PI4KB: variants seen among roughly 807,000 people sequenced by gnomAD.
PI4KB encodes PtdIns 4-kinase beta.
Under a neutral mutation model 81.4 loss-of-function variants are expected in PI4KB, and 23 were observed. That is an observed-to-expected ratio of 0.28 (90% confidence interval 0.20 to 0.40). The LOEUF is 0.40. Ranked by LOEUF, PI4KB falls within the 10% of genes least tolerant of loss-of-function variation. The pLI is 1.00. For missense variants in PI4KB, 651 were observed against 1,036.6 expected, an observed-to-expected ratio of 0.63 and a Z score of 5.11; for synonymous variants, 381 against 406.8, an observed-to-expected ratio of 0.94 and a Z score of 0.76.
chr1:151,301,407 T>A (rs1011359294), intron 8 of PI4KB, among the ~76,000 whole-genome samples: 9 of 151,902 alleles, frequency 5.9e-5, no homozygotes, highest in East Asian at 1.9e-4. Context: ...TTTTTATTTT[T>A]TTTTTTTTGA....
At chr1:151,298,432 C>T (rs1044765803) in intron 9 of PI4KB, 4 of 208,120 alleles carry the variant, frequency 1.9e-5, no homozygotes, top group African/African-American at 9.3e-5. Flanking sequence ...AATTTACCTG[C>T]CTCATGGTAC....
At chr1:151,295,978 G>C (rs1415181827) in intron 9 of PI4KB, among the ~76,000 whole-genome samples, 1 of 152,230 alleles carries the variant, frequency 6.6e-6, no homozygotes, top group Non-Finnish European at 1.5e-5. Context: ...GGATGCAGTG[G>C]CTCACGCCTG....
intron 1 of PI4KB, among the ~76,000 whole-genome samples, chr1:151,326,824 G>A (rs1247268210): frequency 6.6e-6 from 1 of 152,124 alleles, no homozygotes; most frequent in Non-Finnish European, 1.5e-5. Context: ...AGGGAAATGG[G>A]AACCCAGTGC....
chr1:151,326,053 A>G (rs1649563079), intron 1 of PI4KB: 2 of 1,001,074 alleles, frequency 2.0e-6, no homozygotes, highest in South Asian at 2.7e-5. Context: ...AAACTATTCT[A>G]GTAAACCACA....
chr1:151,316,126 C>A lies in PI4KB; in HGVS notation c.356G>T (p.Arg119Leu), dbSNP rs900967912. 1.9e-6 allele frequency: 3 copies of A among 1,614,098 alleles called. No homozygotes were observed. The highest frequency in any genetic ancestry group is 3.3e-4 in the Middle Eastern group (2 of 6,062). Residue 119 changes from arginine (R) to leucine (L), a missense_variant, in exon 2 of 12, where the codon CGG becomes CTG. Coordinates refer to ENST00000368873, the MANE Select transcript of PI4KB (RefSeq NM_001369623.2). The part of the protein sequence containing the change: ...ASGTAKGARR[R>L]RQNNSAKQSW... ...CTGTTTAGCTGAGTTGTTCTGCCGC[C>A]GTCTTCTTGCTCCTTTGGCTGTGCC...
chr1:151,301,817 G>A lies in PI4KB; in HGVS notation c.1749+27C>T, dbSNP rs1348193721. On this transcript the variant is annotated intron_variant, in intron 8 of 11. Coordinates refer to ENST00000368873, the MANE Select transcript of PI4KB (RefSeq NM_001369623.2). ...AGAGTGCTGGGATTACAGCCACTGT[G>A]CCTGGCCTCTCCTTCTCTTCTCTTA... 2.5e-6 allele frequency: 4 copies of A among 1,610,390 alleles called. No individual in the cohort carries two copies. In the East Asian group the frequency reaches 8.9e-5, roughly 36 times the overall value.
chr1:151,301,643 C>T (rs1165439498), intron 8 of PI4KB, among the ~76,000 whole-genome samples: 2 of 152,152 alleles, frequency 1.3e-5, no homozygotes, highest in East Asian at 1.9e-4. Flanking sequence ...GTGATCCACC[C>T]GCCTCGGCCT....
intron 9 of PI4KB, among the ~76,000 whole-genome samples, chr1:151,298,084 G>A (rs1372291221): frequency 6.6e-6 from 1 of 152,094 alleles, no homozygotes; most frequent in Non-Finnish European, 1.5e-5. Flanking sequence ...TTTCATCAAG[G>A]TCATGTCATA....
intron 4 of PI4KB, 141 bp from the exon 5 acceptor site, chr1:151,306,504 A>G: frequency 1.6e-6 from 1 of 633,276 alleles, no homozygotes; most frequent in Non-Finnish European, 2.9e-6. Flanking sequence ...TATGAACACT[A>G]TATTTAGGGC....
At position 151,327,361 on chromosome 1, in the gene PI4KB, A is replaced by C. The variant is rs1384538532; in HGVS notation, c.-119T>G. ...GCAGCAGCGACCGCTCCCGGGTTCC[A>C]TTGGCCGCCTGCGCTTCCCTGACAG... is the stretch of plus-strand genomic sequence containing the variant. On this transcript the variant is annotated 5_prime_UTR_variant, in exon 1 of 12. An upstream start codon of the reference 5' UTR is lost. Coordinates refer to ENST00000368873, the MANE Select transcript of PI4KB (RefSeq NM_001369623.2). 1 of 397,040 alleles carries C rather than the reference A, an allele frequency of 2.5e-6. No homozygotes were observed. The highest frequency in any genetic ancestry group is 3.6e-5 in the East Asian group (1 of 27,492). 24.6% of individuals were successfully genotyped at this position (397,040 alleles called of 1,614,324 possible). A position where few individuals can be genotyped will look rare whatever the true frequency, so the allele number is the denominator to read the frequency against.
Position 151,291,810 on chromosome 1 carries a change from G to C in PI4KB, c.*1042C>G, listed in dbSNP as rs1213240962. ...AGGAGAGGAGGGGACAGGCTCTCAGGAATCCTTTATTCTTGTAGTAATAAT... is the reference window on the plus strand; with the variant it reads ...AGGAGAGGAGGGGACAGGCTCTCAGCAATCCTTTATTCTTGTAGTAATAAT... On this transcript the variant is annotated 3_prime_UTR_variant, in exon 12 of 12. Coordinates refer to ENST00000368873, the MANE Select transcript of PI4KB (RefSeq NM_001369623.2). 1 of 152,518 alleles carries C rather than the reference G, an allele frequency of 6.6e-6. No individual in the cohort carries two copies. The highest frequency in any genetic ancestry group is 2.4e-5 in the African/African-American group (1 of 41,396). 9.4% of individuals were successfully genotyped at this position (152,518 alleles called of 1,614,324 possible).
chr1:151,309,982 A>G (rs1696073147), intron 3 of PI4KB, among the ~76,000 whole-genome samples: 1 of 152,166 alleles, frequency 6.6e-6, no homozygotes, highest in Non-Finnish European at 1.5e-5. Context: ...GCTGTCTCTG[A>G]GAGAAGGATC....
chr1:151,309,114 C>G (rs1472424911), intron 3 of PI4KB, among the ~76,000 whole-genome samples: 2 of 152,092 alleles, frequency 1.3e-5, no homozygotes, highest in Admixed American at 6.6e-5. Context: ...AAAAGGAAAA[C>G]AATGGAATTG....
chr1:151,303,418 A>T (rs1213593607), intron 6 of PI4KB, 123 bp downstream of exon 6: 2 of 737,394 alleles, frequency 2.7e-6, no homozygotes, highest in Non-Finnish European at 5.0e-6. Context: ...AAACAAGGAC[A>T]GAATGAAAGA....
At chr1:151,302,992 CTTGTTTTTT>C (rs1296773044) in intron 6 of PI4KB, among the ~76,000 whole-genome samples, 1 of 133,482 alleles carries the variant, frequency 7.5e-6, no homozygotes, top group Non-Finnish European at 1.6e-5. Flanking sequence ...CTGGTGCTTT[CTTGTTTTTT>C]TTTTTTTTTT....
Position 151,293,913 on chromosome 1 carries a change from C to A in PI4KB, c.2269+105G>T, listed in dbSNP as rs370827147. Reference sequence around the variant, plus strand: ...GAGCTAGAAACTCTCTGGGAACCCCCCTCCCTCAACCGAGTCTCGTGGGAT... The same window carrying A: ...GAGCTAGAAACTCTCTGGGAACCCCACTCCCTCAACCGAGTCTCGTGGGAT... On this transcript the variant is annotated intron_variant, in intron 11 of 11. Coordinates refer to ENST00000368873, the MANE Select transcript of PI4KB (RefSeq NM_001369623.2). 136 of 1,281,898 alleles carry A rather than the reference C, an allele frequency of 1.1e-4. No homozygotes were observed. The East Asian group carries it at 2.3e-3, about 22-fold the overall frequency. The allele number at this position is 1,281,898 out of a possible 1,614,324, so 79.4% of individuals were successfully genotyped here.
chr1:151,303,653 G>A lies in PI4KB; in HGVS notation c.1411-3C>T. 6.3e-7 allele frequency: 1 copy of A among 1,594,470 alleles called. No homozygotes were observed. Among genetic ancestry groups the A allele is most frequent in the Non-Finnish European group, 8.6e-7 (1 of 1,162,154 alleles). On this transcript the variant is annotated splice_polypyrimidine_tract_variant and splice_region_variant and intron_variant, in intron 5 of 11. Coordinates refer to ENST00000368873, the MANE Select transcript of PI4KB (RefSeq NM_001369623.2). Reference sequence around the variant, plus strand: ...CTGTTGGTATGCACTTCGGGGAGCTGGAGAAAGGGGAGTGCTGGTCAGAAG... The same window carrying A: ...CTGTTGGTATGCACTTCGGGGAGCTAGAGAAAGGGGAGTGCTGGTCAGAAG...
chr1:151,307,592 G>A lies in PI4KB; in HGVS notation c.1164C>T (p.Val388=), dbSNP rs1001680641. 6.2e-7 allele frequency: 1 copy of A among 1,613,358 alleles called. No individual in the cohort carries two copies. The highest frequency in any genetic ancestry group is 1.3e-5 in the African/African-American group (1 of 74,900). ...CATCTACCTTGTCCTTGGAGTTGAG[G>A]ACAACAGCCTGTGTGTGGGGTACAC... ...VVRVPHTQAV[V]LNSKDKAPYL... is the part of the protein sequence containing the mutation. The change falls in exon 4 of 12, where the codon GTC becomes GTT. Residue 388 remains valine (V), a synonymous_variant. Transcript: ENST00000368873.
intron 1 of PI4KB, among the ~76,000 whole-genome samples, chr1:151,321,132 CAG>C (rs1648786880): frequency 6.6e-6 from 1 of 152,172 alleles, no homozygotes; most frequent in African/African-American, 2.4e-5. Flanking sequence ...TGCTACTGAA[CAG>C]ACTCTCCCTC....
Sources: gnomAD v4.1 joint callset for allele counts (sites outside exome capture counted in the v4.1 genomes callset) on GRCh38, gnomAD v4.1.1 for gene constraint, MANE v1.5 for transcripts, NCBI Gene and HGNC (gene_info 2026-07-23, HGNC 2026-07-21) for gene names.